ARL13B: variants seen among roughly 807,000 people sequenced by gnomAD.
ARL13B encodes ADP-ribosylation factor-like protein 13B.
Under a neutral mutation model 56.1 loss-of-function variants are expected in ARL13B, and 36 were observed. The ratio of observed to expected loss-of-function variants is 0.64; its 90% CI spans 0.49 to 0.85. The LOEUF (loss-of-function observed/expected upper bound fraction) is 0.85. Ranked by LOEUF, ARL13B falls within the 40% of genes least tolerant of loss-of-function variation. The pLI is 0.00. For synonymous variants in ARL13B, 178 were observed against 171.1 expected (o/e 1.04, Z -0.32); for missense variants, 519 against 507.1 (o/e 1.02, Z -0.23).
chr3:93,987,638 C>G (rs1381155749), intron 1 of ARL13B, among the ~76,000 whole-genome samples: 2 of 151,798 alleles, frequency 1.3e-5, no homozygotes, highest in Admixed American at 6.6e-5. Context: ...TACCAAAAAT[C>G]TAGAAAACCT....
intron 7 of ARL13B, among the ~76,000 whole-genome samples, chr3:94,046,997 GT>G (rs2076994638): frequency 6.6e-6 from 1 of 152,040 alleles, no homozygotes; most frequent in Non-Finnish European, 1.5e-5. Flanking sequence ...TATACGTTAA[GT>G]TATGTAACAT....
chr3:94,019,485 G>T (rs993939162), intron 3 of ARL13B, among the ~76,000 whole-genome samples: 1 of 152,064 alleles, frequency 6.6e-6, no homozygotes. Context: ...ATGAGCCACC[G>T]CAACTGGTCA....
At chr3:93,999,068 C>T (rs1004358018) in intron 2 of ARL13B, among the ~76,000 whole-genome samples, 3 of 150,682 alleles carry the variant, frequency 2.0e-5, no homozygotes, top group African/African-American at 7.3e-5. Context: ...GTCACAGTAG[C>T]TTTTTTCTAA....
intron 3 of ARL13B, among the ~76,000 whole-genome samples, chr3:94,005,034 G>A (rs1235526917): frequency 2.6e-5 from 4 of 151,950 alleles, no homozygotes; most frequent in African/African-American, 7.3e-5. Flanking sequence ...TTTAAAACTA[G>A]TCATTTAATT....
At chr3:93,984,880 T>C (rs1189415334) in intron 1 of ARL13B, among the ~76,000 whole-genome samples, 1 of 151,944 alleles carries the variant, frequency 6.6e-6, no homozygotes, top group Non-Finnish European at 1.5e-5. Context: ...AGTAGTGGCA[T>C]GTGCCTGTAG....
intron 3 of ARL13B, among the ~76,000 whole-genome samples, chr3:94,030,250 A>G (rs1457772233): frequency 6.6e-6 from 1 of 152,018 alleles, no homozygotes; most frequent in African/African-American, 2.4e-5. Context: ...TTTTTGAGAC[A>G]GGGTCTCACT....
At position 94,003,878 on chromosome 3, in the gene ARL13B, A is replaced by G; in HGVS notation, c.350A>G (p.His117Arg). The G allele has an allele frequency of 6.2e-7, 1 of 1,613,378 alleles. No homozygotes were observed. Among genetic ancestry groups the G allele is most frequent in the Non-Finnish European group, 8.5e-7 (1 of 1,179,566 alleles). Residue 117 changes from histidine (H) to arginine (R), a missense_variant, in exon 3 of 10, where the codon CAT becomes CGT. By Grantham distance (29) the His-to-Arg change is conservative. Coordinates refer to ENST00000394222, the MANE Select transcript of ARL13B (RefSeq NM_001174150.2). The part of the protein sequence containing the change: ...TKEAMSEMLR[H>R]PRISGKPILV... ...GAGGCTATGTCAGAAATGCTAAGACATCCTAGGATATCGGGAAAGCCTATA... is the reference window on the plus strand; with the variant it reads ...GAGGCTATGTCAGAAATGCTAAGACGTCCTAGGATATCGGGAAAGCCTATA...
At chr3:94,030,903 A>G (rs552668623) in intron 3 of ARL13B, among the ~76,000 whole-genome samples, 3 of 152,232 alleles carry the variant, frequency 2.0e-5, no homozygotes, top group Non-Finnish European at 4.4e-5. Context: ...AAGGCTGGGC[A>G]CAGTGGCTCA....
At chr3:93,991,163 T>G (rs1318111956) in intron 1 of ARL13B, among the ~76,000 whole-genome samples, 1 of 152,188 alleles carries the variant, frequency 6.6e-6, no homozygotes, top group African/African-American at 2.4e-5. Context: ...ATTAAATGAT[T>G]GATTTTATTG....
chr3:93,992,894 A>T (rs2075899698), intron 1 of ARL13B, among the ~76,000 whole-genome samples: 1 of 151,890 alleles, frequency 6.6e-6, no homozygotes, highest in South Asian at 2.1e-4. Flanking sequence ...CCCAGGTTCA[A>T]TCGATTCTCG....
In ARL13B at chr3:94,036,709, A is replaced by G; in HGVS notation, c.644A>G (p.Glu215Gly). ...TTEQRALEEQ[E>G]KQERAERVRK... The stretch of plus-strand genomic sequence containing the variant: ...GAGCAGCGTGCTCTTGAGGAACAAG[A>G]GAAACAAGAAAGAGCTGAACGAGTG... Residue 215 changes from glutamate to glycine, a missense_variant, in exon 5 of 10, where the codon GAG (glutamate) becomes GGG (glycine). Physicochemically the swap from Glu to Gly is moderately conservative, Grantham distance 98. Transcript: ENST00000394222. 6.2e-7 allele frequency: 1 copy of G among 1,613,954 alleles called. No homozygotes were observed. Among genetic ancestry groups the G allele is most frequent in the South Asian group, 1.1e-5 (1 of 91,060 alleles).
At chr3:94,053,107 G>A in intron 9 of ARL13B, 80 bp from the exon 10 acceptor site, 1 of 1,137,898 alleles carries the variant, frequency 8.8e-7, no homozygotes, top group Non-Finnish European at 1.3e-6. Context: ...AATGTCTAAA[G>A]TCTAAAAAAT....
At chr3:93,994,203 G>T (rs1242216140) in intron 1 of ARL13B, among the ~76,000 whole-genome samples, 1 of 152,136 alleles carries the variant, frequency 6.6e-6, no homozygotes, top group Non-Finnish European at 1.5e-5. Flanking sequence ...TTCTCACTTG[G>T]TTTCATCACA....
intron 3 of ARL13B, among the ~76,000 whole-genome samples, chr3:94,034,802 CTTTA>C (rs926848178): frequency 6.6e-6 from 1 of 152,038 alleles, no homozygotes; most frequent in East Asian, 1.9e-4. Context: ...TTTCTTGACA[CTTTA>C]TTTGATTTTC....
chr3:94,034,382 T>G (rs1384459573), intron 3 of ARL13B, among the ~76,000 whole-genome samples: 1 of 152,148 alleles, frequency 6.6e-6, no homozygotes, highest in Non-Finnish European at 1.5e-5. Context: ...AGGCAGTATT[T>G]TATTAAACTT....
At position 94,054,125 on chromosome 3, in the gene ARL13B, C is replaced by T; in HGVS notation, c.*862C>T. 4.4e-6 allele frequency: 2 copies of T among 453,096 alleles called. No individual in the cohort carries two copies. The highest frequency in any genetic ancestry group is 8.8e-6 in the Non-Finnish European group (2 of 226,096). 28.1% of individuals were successfully genotyped at this position (453,096 alleles called of 1,614,324 possible). A position where few individuals can be genotyped will look rare whatever the true frequency, so the allele number is the denominator to read the frequency against. On this transcript the variant is annotated 3_prime_UTR_variant, in exon 10 of 10. Transcript: ENST00000394222. The stretch of plus-strand genomic sequence containing the variant: ...ACACTTTCAGAGATCAAGGTGCTCC[C>T]TATACTCCCTTGTTCCATCAGAAGC...
In ARL13B at chr3:93,980,181, C is replaced by G. The variant is rs560300796; in HGVS notation, c.-243C>G. The stretch of plus-strand genomic sequence containing the variant: ...CTTTTCTTTAGCCGGGTCCCGCTAA[C>G]TCGGCTACGGTGTATCTGCGTCTTT... On this transcript the variant is annotated 5_prime_UTR_variant, in exon 1 of 10. Transcript: ENST00000394222. 42 of 669,104 alleles carry G rather than the reference C, an allele frequency of 6.3e-5. 1 individual carries two copies. In the East Asian group the frequency reaches 1.1e-3, roughly 17 times the overall value. The allele number at this position is 669,104 out of a possible 1,614,324, so 41.4% of individuals were successfully genotyped here. A position where few individuals can be genotyped will look rare whatever the true frequency, so the allele number is the denominator to read the frequency against.
chr3:93,982,324 A>G (rs1460990224), intron 1 of ARL13B, among the ~76,000 whole-genome samples: 2 of 152,204 alleles, frequency 1.3e-5, no homozygotes, highest in Non-Finnish European at 2.9e-5. Flanking sequence ...CTTCTTTAAT[A>G]AGCACCATCT....
chr3:94,047,290 A>T (rs1375034700), intron 7 of ARL13B, among the ~76,000 whole-genome samples: 21 of 152,208 alleles, frequency 1.4e-4, no homozygotes, highest in Admixed American at 1.4e-3. Context: ...TTAATTTGAA[A>T]GTTATACTTT....
Sources: allele counts gnomAD v4.1 joint callset (sites outside exome capture counted in the v4.1 genomes callset), GRCh38; gene constraint gnomAD v4.1.1; transcripts MANE v1.5; gene names NCBI Gene and HGNC (gene_info 2026-07-23, HGNC 2026-07-21).